Variants in CHRNA1 observed in about 807,000 individuals in gnomAD.
CHRNA1 encodes the protein acetylcholine receptor subunit alpha.
A neutral mutation model predicts 47.1 loss-of-function variants in CHRNA1; 35 were observed. The observed-to-expected ratio is 0.74, with a 90% CI of 0.57 to 0.99. CHRNA1 has a LOEUF of 0.99. Among genes scored for constraint, CHRNA1 ranks in the 50% least tolerant of loss-of-function variants. The pLI, the probability that CHRNA1 is intolerant of heterozygous loss-of-function variation, is 0.00. For missense variants in CHRNA1, 506 were observed against 591.1 expected (o/e 0.86, Z 1.49); for synonymous variants, 229 against 223.6 (o/e 1.02, Z -0.22).
At chr2:174,758,010 A>G in intron 3 of CHRNA1, 1 of 1,614,068 alleles carries the variant, frequency 6.2e-7, no homozygotes, top group Non-Finnish European at 8.5e-7. Context: ...TGGCAGATCT[A>G]CCATGTCACC....
At chr2:174,759,707 AGGAAC>A in intron 1 of CHRNA1, 74 bp from the exon 2 acceptor site, 2 of 1,587,918 alleles carry the variant, frequency 1.3e-6, no homozygotes, top group South Asian at 1.1e-5. Flanking sequence ...TGAGGAACTG[AGGAAC>A]TGAGGCATAA....
chr2:174,759,459 TG>T (rs772226657), intron 2 of CHRNA1, 28 bp downstream of exon 2: 8 of 1,614,042 alleles, frequency 5.0e-6, no homozygotes, highest in Non-Finnish European at 6.8e-6. Context: ...TGTGGGTGTG[TG>T]GGCAGGCCCC....
At position 174,764,380 on chromosome 2, in the gene CHRNA1, A is replaced by C. The variant is rs1684152950; in HGVS notation, c.15T>G (p.Pro5=). 1 of 1,613,426 alleles carries C rather than the reference A, an allele frequency of 6.2e-7. No homozygotes were observed. Among genetic ancestry groups the C allele is most frequent in the African/African-American group, 1.3e-5 (1 of 75,030 alleles). The change falls in exon 1 of 9, where the codon CCT becomes CCG. Residue 5 remains proline, a synonymous_variant. Coordinates refer to ENST00000348749, the MANE Select transcript of CHRNA1 (RefSeq NM_000079.4). ...AGCAAAGGCTAAAGAGCAGGAGGAG[A>C]GGCCAGGGCTCCATGGGCTACCGGA... MEPW[P]LLLLFSLCSA...
At chr2:174,764,466 CTTGTCTGCTGGAGGGT>C in exon 1 of CHRNA1, 1 of 1,517,470 alleles carries the variant, frequency 6.6e-7, no homozygotes, top group East Asian at 2.3e-5. Context: ...TGGCTGGGTG[CTTGTCTGCTGGAGGGT>C]TTGGAAAGCG....
Position 174,748,176 on chromosome 2 carries a change from C to A in CHRNA1, c.1322G>T (p.Gly441Val), listed in dbSNP as rs1683770665. ...TCGACCTGCAAACACGGCTAGGGTT[C>A]CGATGATGCAAACAAGCATGAAGAC... ...LGVFMLVCIIGTLAVFAGRLI... is the reference protein window; with the variant it reads ...LGVFMLVCIIVTLAVFAGRLI... The change falls in exon 9 of 9, where the codon GGA becomes GTA. Residue 441 changes from glycine to valine, a missense_variant. Physicochemically the swap from Gly to Val is moderately radical, Grantham distance 109 (BLOSUM62 -3). Transcript: ENST00000348749. 6.2e-7 allele frequency: 1 copy of A among 1,614,004 alleles called. No homozygotes were observed. Among genetic ancestry groups the A allele is most frequent in the African/African-American group, 1.3e-5 (1 of 74,876 alleles).
intron 6 of CHRNA1, 23 bp downstream of exon 6, chr2:174,753,480 G>A: frequency 6.3e-7 from 1 of 1,597,014 alleles, no homozygotes; most frequent in African/African-American, 1.3e-5. Flanking sequence ...GTCAGCAGCA[G>A]CAGTCATGGC....
intron 4 of CHRNA1, among the ~76,000 whole-genome samples, chr2:174,756,774 G>C (rs1683987576): frequency 6.6e-6 from 1 of 152,168 alleles, no homozygotes; most frequent in African/African-American, 2.4e-5. Flanking sequence ...CACTAGCCCT[G>C]TCACCTTCCC....
chr2:174,758,016 T>C (rs751855931), intron 3 of CHRNA1: 3 of 1,614,034 alleles, frequency 1.9e-6, no homozygotes. Flanking sequence ...ATCTACCATG[T>C]CACCCTGTCC....
At chr2:174,757,841 C>G in intron 3 of CHRNA1, 166 bp from the exon 4 acceptor site, 1 of 939,194 alleles carries the variant, frequency 1.1e-6, no homozygotes, top group Non-Finnish European at 1.7e-6. Context: ...ATAAGAACAG[C>G]AAATATATAG....
Position 174,753,732 on chromosome 2 carries a change from G to C in CHRNA1, c.549C>G (p.Asp183Glu). 6.2e-7 allele frequency: 1 copy of C among 1,614,000 alleles called. No individual in the cohort carries two copies. Among genetic ancestry groups the C allele is most frequent in the Non-Finnish European group, 8.5e-7 (1 of 1,179,934 alleles). Residue 183 changes from aspartate (D) to glutamate (E), a missense_variant, in exon 6 of 9, where the codon GAC becomes GAG. Transcript: ENST00000348749. Reference sequence around the variant, plus strand: ...CCATGAAGTTGCTCAGGTCTGGCTGGTCGCTTTCCTGAGAAAGGAAGTGAG... The same window carrying C: ...CCATGAAGTTGCTCAGGTCTGGCTGCTCGCTTTCCTGAGAAAGGAAGTGAG... ...GSVVAINPES[D>E]QPDLSNFMES...
intron 1 of CHRNA1, among the ~76,000 whole-genome samples, chr2:174,760,502 G>A (rs1475523263): frequency 6.6e-6 from 1 of 152,182 alleles, no homozygotes; most frequent in Non-Finnish European, 1.5e-5. Context: ...TCCAGAATAG[G>A]TAAATCTATA....
intron 6 of CHRNA1, among the ~76,000 whole-genome samples, chr2:174,752,278 A>G (rs1246237671): frequency 9.2e-5 from 14 of 152,016 alleles, no homozygotes; most frequent in African/African-American, 2.7e-4. Context: ...ATTTGTTTAA[A>G]AACAAGTGCA....
rs1294829205 is a variant in CHRNA1 at position 174,759,186 on chromosome 2, C to G, written c.234+145G>C. On this transcript the variant is annotated intron_variant, in intron 3 of 8. Transcript: ENST00000348749. ...AAAAAAAAGCAAAACCAAAACCAAA[C>G]AGGATCCATGCTTTCACCATCTCAA... 4.1e-6 allele frequency: 4 copies of G among 979,624 alleles called. No individual in the cohort carries two copies. The African/African-American group carries it at 6.5e-5, about 16-fold the overall frequency. The allele number at this position is 979,624 out of a possible 1,614,324, so 60.7% of individuals were successfully genotyped here.
chr2:174,759,149 G>C (rs1684041357), intron 3 of CHRNA1, among the ~76,000 whole-genome samples, 182 bp downstream of exon 3: 1 of 151,942 alleles, frequency 6.6e-6, no homozygotes, highest in African/African-American at 2.4e-5. Context: ...CACAGAAAAA[G>C]CCCTAAAGTT....
chr2:174,750,031 A>G lies in CHRNA1; in HGVS notation c.917T>C (p.Ile306Thr). ...GATGACAGTGATGATGATGGAGGCA[A>G]TGACGAACACCATGGTGAACAGCAT... ...KYMLFTMVFVIASIIITVIVI... is the reference protein window; with the variant it reads ...KYMLFTMVFVTASIIITVIVI... Residue 306 changes from isoleucine (I) to threonine (T), a missense_variant, in exon 7 of 9, where the codon ATT becomes ACT. Physicochemically the swap from Ile to Thr is moderately conservative, Grantham distance 89. Transcript: ENST00000348749. 1.2e-6 allele frequency: 2 copies of G among 1,614,186 alleles called. No homozygotes were observed. Among genetic ancestry groups the G allele is most frequent in the South Asian group, 2.2e-5 (2 of 91,086 alleles).
Position 174,753,503 on chromosome 2 carries a change from C to T in CHRNA1, c.778G>A (p.Gly260Arg), listed in dbSNP as rs1131691893. ...GLVFYLPTDS[G>R]EKMTLSISVL... The stretch of plus-strand genomic sequence containing the variant: ...CAGCAGTCATGGCAACCACACCCAC[C>T]TGAGTCTGTGGGCAGGTAGAATACC... Residue 260 changes from glycine to arginine, a missense_variant and splice_region_variant, in exon 6 of 9, where the codon GGG becomes AGG. Coordinates refer to ENST00000348749, the MANE Select transcript of CHRNA1 (RefSeq NM_000079.4). 1 of 1,613,100 alleles carries T rather than the reference C, an allele frequency of 6.2e-7. No individual in the cohort carries two copies. The highest frequency in any genetic ancestry group is 1.7e-5 in the Admixed American group (1 of 60,000).
chr2:174,754,010 T>G (rs2105348140), intron 5 of CHRNA1, among the ~76,000 whole-genome samples: 1 of 152,208 alleles, frequency 6.6e-6, no homozygotes, highest in East Asian at 1.9e-4. Flanking sequence ...CCAGGCCCAT[T>G]ACATCAGAAT....
chr2:174,748,495 T>C, intron 8 of CHRNA1, 85 bp downstream of exon 8: 2 of 1,538,774 alleles, frequency 1.3e-6, no homozygotes, highest in South Asian at 2.4e-5. Context: ...GTATGCCACC[T>C]ACTTGTTAAG....
In CHRNA1 at chr2:174,759,301, G is replaced by A. The variant is rs138161333; in HGVS notation, c.234+30C>T. On this transcript the variant is annotated intron_variant, in intron 3 of 8. Transcript: ENST00000348749. The stretch of plus-strand genomic sequence containing the variant: ...GTTTAATTTCAGTGTGAATGAAAAC[G>A]ACACACATGCAATTATCTGGCTAAG... The A allele has an allele frequency of 3.7e-4, 589 of 1,610,774 alleles. 3 individuals are homozygous for A. In the African/African-American group the frequency reaches 5.8e-3, roughly 16 times the overall value.
Sources: allele counts gnomAD v4.1 joint callset (sites outside exome capture counted in the v4.1 genomes callset), GRCh38; gene constraint gnomAD v4.1.1; transcripts MANE v1.5; gene names NCBI Gene and HGNC (gene_info 2026-07-23, HGNC 2026-07-21).